ZGRF1: variants seen among roughly 807,000 people sequenced by gnomAD.
The protein encoded by ZGRF1 is zinc finger GRF-type containing 1.
Under a neutral mutation model 203.5 loss-of-function variants are expected in ZGRF1, and 196 were observed. That is an observed-to-expected ratio of 0.96 (90% CI 0.86 to 1.08). The LOEUF (loss-of-function observed/expected upper bound fraction) is 1.08. ZGRF1 is among the 50% of genes least tolerant of loss of function. The pLI is 0.00. For synonymous variants in ZGRF1, 809 were observed against 841.3 expected (o/e 0.96, Z 0.66); for missense variants, 2,326 against 2,416.3 (o/e 0.96, Z 0.78).
chr4:112,547,594 C>T (rs1028700639), intron 23 of ZGRF1, among the ~76,000 whole-genome samples, 186 bp from the exon 24 acceptor site: 2 of 152,154 alleles, frequency 1.3e-5, no homozygotes, highest in South Asian at 4.1e-4. Flanking sequence ...ATAAAGAATC[C>T]TTTATATAAT....
At chr4:112,584,197 A>C (rs773962111) in intron 14 of ZGRF1, 23 bp from the exon 15 acceptor site, 6 of 1,487,562 alleles carry the variant, frequency 4.0e-6, no homozygotes, top group Non-Finnish European at 5.4e-6. Flanking sequence ...AAAAAAGATC[A>C]ACATTTAGTG....
intron 10 of ZGRF1, among the ~76,000 whole-genome samples, chr4:112,601,182 A>G (rs1749909871): frequency 6.6e-6 from 1 of 152,036 alleles, no homozygotes; most frequent in African/African-American, 2.4e-5. Context: ...GGGCTGAGGC[A>G]GGAAGATCGT....
At chr4:112,556,172 T>C (rs1276127699) in intron 20 of ZGRF1, among the ~76,000 whole-genome samples, 1 of 151,978 alleles carries the variant, frequency 6.6e-6, no homozygotes, top group African/African-American at 2.4e-5. Context: ...ATTTGAAAAG[T>C]ATATTTAGAA....
Position 112,585,581 on chromosome 4 carries a change from G to A in ZGRF1, c.4061C>T (p.Pro1354Leu). ...NNVPSCHHSQ[P>L]AKLVMVKKEG... ...CTTTTTAACCATGACAAGTTTTGCAGGTTGACTATGATGGCAGGATGGTAC... is the reference window on the plus strand; with the variant it reads ...CTTTTTAACCATGACAAGTTTTGCAAGTTGACTATGATGGCAGGATGGTAC... The change falls in exon 14 of 28, where the codon CCT becomes CTT. Residue 1354 changes from proline to leucine, a missense_variant. Pro to Leu is a moderately conservative substitution (Grantham distance 98). Transcript: ENST00000505019. 1 of 1,612,026 alleles carries A rather than the reference G, an allele frequency of 6.2e-7. No individual in the cohort carries two copies. The highest frequency in any genetic ancestry group is 8.5e-7 in the Non-Finnish European group (1 of 1,179,156).
intron 8 of ZGRF1, 141 bp from the exon 9 acceptor site, chr4:112,606,232 A>G: frequency 1.7e-6 from 1 of 602,470 alleles, no homozygotes; most frequent in African/African-American, 1.9e-5. Flanking sequence ...TTCTGTCTAC[A>G]CACACATACA....
intron 23 of ZGRF1, 92 bp from the exon 24 acceptor site, chr4:112,547,500 T>A (rs559881740): frequency 1.7e-6 from 2 of 1,149,726 alleles, no homozygotes; most frequent in East Asian, 2.5e-5. Context: ...CACTTCGAAA[T>A]ATTCAAATGC....
In ZGRF1 at chr4:112,618,570, T is replaced by C. The variant is rs1031564251; in HGVS notation, c.1472A>G (p.Asn491Ser). Residue 491 changes from asparagine to serine, a missense_variant, in exon 6 of 28, where the codon AAT becomes AGT. By Grantham distance (46) the Asn-to-Ser change is conservative (BLOSUM62 1). Coordinates refer to ENST00000505019, the MANE Select transcript of ZGRF1 (RefSeq NM_018392.5). ...ELKHLQIESSNNSRISDDITD... is the reference protein window; with the variant it reads ...ELKHLQIESSSNSRISDDITD... The stretch of plus-strand genomic sequence containing the variant: ...AATGTCATCAGAGATCCTAGAATTA[T>C]TACTAGATTCAATTTGGAGATGTTT... 6 of 1,613,566 alleles carry C rather than the reference T, an allele frequency of 3.7e-6. No homozygotes were observed. The African/African-American group carries it at 4.0e-5, about 11-fold the overall frequency.
At chr4:112,611,011 C>A in intron 7 of ZGRF1, 1 of 231,932 alleles carries the variant, frequency 4.3e-6, no homozygotes, top group Non-Finnish European at 8.6e-6. Flanking sequence ...TTTTTTTCTT[C>A]ACTGTTTTCT....
intron 9 of ZGRF1, among the ~76,000 whole-genome samples, chr4:112,603,954 G>A (rs546386569): frequency 6.6e-6 from 1 of 152,250 alleles, no homozygotes; most frequent in South Asian, 2.1e-4. Context: ...TGGGCATGGT[G>A]GCTCACATCT....
Position 112,548,980 on chromosome 4 carries a change from G to A in ZGRF1, c.5347-600C>T, listed in dbSNP as rs1329292824. On this transcript the variant is annotated intron_variant, in intron 22 of 27. Coordinates refer to ENST00000505019, the MANE Select transcript of ZGRF1 (RefSeq NM_018392.5). ...ATACAAAAAATTAGCCGGGCGTAGT[G>A]GCGGGCGCCTGTAGTCCCAGCTACT... 2.6e-5 allele frequency among the ~76,000 whole-genome samples: 2 copies of A among 76,730 alleles called. 1 individual carries two copies. The allele number at this position is 76,730 out of a possible 152,430, so 50.3% of individuals were successfully genotyped here.
intron 11 of ZGRF1, 61 bp downstream of exon 11, chr4:112,589,663 C>G: frequency 6.9e-7 from 1 of 1,442,198 alleles, no homozygotes; most frequent in Non-Finnish European, 9.7e-7. Context: ...AATAATCTCT[C>G]AAATAAAAAA....
chr4:112,585,633 C>T lies in ZGRF1; in HGVS notation c.4009G>A (p.Glu1337Lys). The T allele has an allele frequency of 6.2e-7, 1 of 1,610,308 alleles. No individual in the cohort carries two copies. Among genetic ancestry groups the T allele is most frequent in the Non-Finnish European group, 8.5e-7 (1 of 1,178,384 alleles). ...TTATTTTCTGCGTTTTTCAGTTTCT[C>T]TCCCTTCAATGATGTATAAAATGAT... The part of the protein sequence containing the change: ...DISFYTSLKG[E>K]KLKNAENNVP... The change falls in exon 14 of 28, where the codon GAG becomes AAG. Residue 1337 changes from glutamate to lysine, a missense_variant. Coordinates refer to ENST00000505019, the MANE Select transcript of ZGRF1 (RefSeq NM_018392.5).
intron 3 of ZGRF1, among the ~76,000 whole-genome samples, chr4:112,630,216 G>GGGCCAGGCGCAGTGGCTCA (rs577103642): frequency 6.6e-6 from 1 of 151,960 alleles, no homozygotes; most frequent in African/African-American, 2.4e-5. Flanking sequence ...AGAAATAGTA[G>GGGCCAGGCGCAGTGGCTCA]GGCCAGGCGC....
At chr4:112,563,092 T>A in intron 17 of ZGRF1, 39 bp downstream of exon 17, 1 of 1,495,222 alleles carries the variant, frequency 6.7e-7, no homozygotes, top group Non-Finnish European at 9.0e-7. Context: ...TCTATCATTC[T>A]TTTTAAATAT....
At chr4:112,583,218 T>A (rs1267450435) in intron 15 of ZGRF1, among the ~76,000 whole-genome samples, 2 of 152,198 alleles carry the variant, frequency 1.3e-5, no homozygotes, top group Non-Finnish European at 2.9e-5. Flanking sequence ...TAAATCACCA[T>A]GCAAATAGTC....
rs115623002 is a variant in ZGRF1 at position 112,622,189 on chromosome 4, C to T, written c.162+1628G>A. 6.9e-3 allele frequency among the ~76,000 whole-genome samples: 1,051 copies of T among 151,980 alleles called. 12 individuals carry two copies. The highest frequency in any genetic ancestry group is 0.024 in the African/African-American group (995 of 41,470). ...GAATATTATGGCCAAAAATCAACAT[C>T]GTCATCATCATAGTATGCATTTTAA... On this transcript the variant is annotated intron_variant, in intron 4 of 27. Coordinates refer to ENST00000505019, the MANE Select transcript of ZGRF1 (RefSeq NM_018392.5).
chr4:112,590,708 C>T (rs1367905072), intron 10 of ZGRF1, among the ~76,000 whole-genome samples: 1 of 151,878 alleles, frequency 6.6e-6, no homozygotes, highest in African/African-American at 2.4e-5. Context: ...GGTGGATCAC[C>T]TGAGGTCAGG....
Position 112,560,780 on chromosome 4 carries a change from T to C in ZGRF1, c.4913A>G (p.Glu1638Gly). The change falls in exon 19 of 28, where the codon GAA (glutamate) becomes GGA (glycine). Residue 1638 changes from glutamate (E) to glycine (G), a missense_variant. Transcript: ENST00000505019. ...QMMASHESIE[E>G]VKELQTHTFP... ...GGTATGAGTTTGCAGTTCCTTCACT[T>C]CTTCAATGCTTTCATGTGATGCCAT... 1 of 1,602,736 alleles carries C rather than the reference T, an allele frequency of 6.2e-7. No individual in the cohort carries two copies. Among genetic ancestry groups the C allele is most frequent in the Non-Finnish European group, 8.5e-7 (1 of 1,170,454 alleles).
intron 24 of ZGRF1, among the ~76,000 whole-genome samples, chr4:112,546,448 A>G (rs1023430701): frequency 6.6e-6 from 1 of 152,202 alleles, no homozygotes; most frequent in Non-Finnish European, 1.5e-5. Flanking sequence ...TTTTTAAGAA[A>G]TTTAAAAAAT....
Sources: gnomAD v4.1 joint callset for allele counts (sites outside exome capture counted in the v4.1 genomes callset) on GRCh38, gnomAD v4.1.1 for gene constraint, MANE v1.5 for transcripts, NCBI Gene and HGNC (gene_info 2026-07-23, HGNC 2026-07-21) for gene names.